B3GALT1: variants seen among roughly 807,000 people sequenced by gnomAD.
B3GALT1 encodes beta-1,3-galactosyltransferase 1.
B3GALT1 carries 10 observed loss-of-function variants against 23.2 expected under a neutral mutation model. The ratio of observed to expected loss-of-function variants is 0.43; its 90% CI spans 0.27 to 0.73. The LOEUF (loss-of-function observed/expected upper bound fraction) is 0.73. B3GALT1 is among the 30% of genes least tolerant of loss of function. The pLI is 0.21. For missense variants in B3GALT1, 299 were observed against 405.4 expected (o/e 0.74, Z 2.25); for synonymous variants, 156 against 141.5 (o/e 1.10, Z -0.73).
chr2:167,670,685 G>T (rs968602566), intron 3 of B3GALT1, among the ~76,000 whole-genome samples: 4 of 152,228 alleles, frequency 2.6e-5, no homozygotes, highest in East Asian at 1.9e-4. Flanking sequence ...CAAATAAAAT[G>T]ATGTCTAACA....
intron 4 of B3GALT1, among the ~76,000 whole-genome samples, chr2:167,848,349 T>C (rs1224995285): frequency 6.6e-6 from 1 of 152,096 alleles, no homozygotes; most frequent in Non-Finnish European, 1.5e-5. Flanking sequence ...CTTAACAAAA[T>C]ACTAGCTAAC....
chr2:167,326,090 T>G (rs1696888355), intron 1 of B3GALT1, among the ~76,000 whole-genome samples: 1 of 151,732 alleles, frequency 6.6e-6, no homozygotes, highest in East Asian at 1.9e-4. Flanking sequence ...AATATCTGTT[T>G]TTTTTTTTCT....
intron 4 of B3GALT1, among the ~76,000 whole-genome samples, chr2:167,866,996 A>C (rs188737721): frequency 2.0e-5 from 3 of 151,370 alleles, no homozygotes; most frequent in Admixed American, 1.3e-4. Flanking sequence ...GCGCAATCTC[A>C]GCTCACTGCA....
intron 3 of B3GALT1, among the ~76,000 whole-genome samples, chr2:167,663,177 T>C (rs963762439): frequency 5.5e-5 from 8 of 146,096 alleles, no homozygotes; most frequent in African/African-American, 2.0e-4. Flanking sequence ...TTCTCATTGT[T>C]CAATTCCCAC....
At chr2:167,639,281 G>A (rs539390986) in intron 2 of B3GALT1, among the ~76,000 whole-genome samples, 2 of 152,098 alleles carry the variant, frequency 1.3e-5, no homozygotes, top group Admixed American at 6.6e-5. Flanking sequence ...GAAATGTCAT[G>A]TTGCAAATTT....
intron 2 of B3GALT1, among the ~76,000 whole-genome samples, chr2:167,563,802 G>A (rs1212039552): frequency 5.6e-5 from 7 of 125,436 alleles, no homozygotes; most frequent in South Asian, 3.0e-4. Flanking sequence ...CCTCCCCCCC[G>A]GAGGGAGCGG....
intron 2 of B3GALT1, among the ~76,000 whole-genome samples, chr2:167,572,056 C>T (rs1684302749): frequency 6.6e-6 from 1 of 151,562 alleles, no homozygotes; most frequent in African/African-American, 2.4e-5. Context: ...AGTATGGCGT[C>T]TAAGTCTTGG....
At chr2:167,564,812 C>T (rs571290908) in intron 2 of B3GALT1, among the ~76,000 whole-genome samples, 12 of 152,192 alleles carry the variant, frequency 7.9e-5, no homozygotes, top group Non-Finnish European at 1.6e-4. Flanking sequence ...ATGTGAAGGA[C>T]CTCTTGAAGG....
intron 2 of B3GALT1, among the ~76,000 whole-genome samples, chr2:167,546,458 A>G (rs1407762237): frequency 6.6e-6 from 1 of 152,130 alleles, no homozygotes; most frequent in African/African-American, 2.4e-5. Context: ...CCCCCATCAT[A>G]TATCACATTG....
chr2:167,606,965 A>G (rs553731703), intron 2 of B3GALT1, among the ~76,000 whole-genome samples: 1 of 152,304 alleles, frequency 6.6e-6, no homozygotes, highest in South Asian at 2.1e-4. Context: ...GACGGATTCT[A>G]CATGAAGGCA....
intron 4 of B3GALT1, among the ~76,000 whole-genome samples, chr2:167,862,525 C>T (rs1188157588): frequency 1.3e-5 from 2 of 152,150 alleles, no homozygotes; most frequent in African/African-American, 4.8e-5. Context: ...TAATCTTTGC[C>T]AGAAACACCC....
At chr2:167,597,864 G>A (rs762154498) in intron 2 of B3GALT1, among the ~76,000 whole-genome samples, 1 of 152,138 alleles carries the variant, frequency 6.6e-6, no homozygotes, top group Non-Finnish European at 1.5e-5. Flanking sequence ...AAAATAGTTA[G>A]CAACTTAAAT....
At chr2:167,507,873 G>C (rs541735902) in intron 2 of B3GALT1, among the ~76,000 whole-genome samples, 17 of 152,348 alleles carry the variant, frequency 1.1e-4, no homozygotes, top group African/African-American at 3.8e-4. Flanking sequence ...TCAGGCTGCT[G>C]TAATGAGGTG....
chr2:167,466,544 T>G (rs1469976556), intron 1 of B3GALT1, among the ~76,000 whole-genome samples: 1 of 131,812 alleles, frequency 7.6e-6, no homozygotes, highest in African/African-American at 2.9e-5. Context: ...TGCTTGAACC[T>G]GGGAGGAGGA....
chr2:167,870,294 G>T lies in B3GALT1; in HGVS notation c.*274G>T. 1 of 301,008 alleles carries T rather than the reference G, an allele frequency of 3.3e-6. No individual in the cohort carries two copies. 18.6% of individuals were successfully genotyped at this position (301,008 alleles called of 1,614,324 possible). A position where few individuals can be genotyped will look rare whatever the true frequency, so the allele number is the denominator to read the frequency against. On this transcript the variant is annotated 3_prime_UTR_variant, in exon 5 of 5. Coordinates refer to ENST00000392690, the MANE Select transcript of B3GALT1 (RefSeq NM_020981.4). The stretch of plus-strand genomic sequence containing the variant: ...TGACTTCCAAACAACTCTTAGGATT[G>T]ACGTACCGTGCATCTGAGATAAAAA...
chr2:167,568,026 C>T (rs1028552199), intron 2 of B3GALT1, among the ~76,000 whole-genome samples: 3 of 152,022 alleles, frequency 2.0e-5, no homozygotes, highest in African/African-American at 4.8e-5. Flanking sequence ...TAGTAATATG[C>T]GTTTAAGTTT....
At chr2:167,704,184 A>AAC (rs1489628326) in intron 3 of B3GALT1, among the ~76,000 whole-genome samples, 1 of 3,364 alleles carries the variant, frequency 3.0e-4, no homozygotes, top group Non-Finnish European at 2.4e-3. Flanking sequence ...CAGTCTCAAC[A>AAC]AAAAAAAAAA....
At chr2:167,684,766 TAAAG>T (rs201628236) in intron 3 of B3GALT1, among the ~76,000 whole-genome samples, 2 of 152,338 alleles carry the variant, frequency 1.3e-5, no homozygotes, top group Admixed American at 1.3e-4. Context: ...ACTTGAATAT[TAAAG>T]AAAGAAAAGG....
At position 167,657,047 on chromosome 2, in the gene B3GALT1, A is replaced by G. The variant is rs539124311; in HGVS notation, c.-352+10081A>G. Among the ~76,000 whole-genome samples, 15 of 152,228 alleles carry G rather than the reference A, an allele frequency of 9.9e-5. No individual in the cohort carries two copies. The South Asian group carries it at 3.1e-3, about 32-fold the overall frequency. On this transcript the variant is annotated intron_variant, in intron 3 of 4. Coordinates refer to ENST00000392690, the MANE Select transcript of B3GALT1 (RefSeq NM_020981.4). Reference sequence around the variant, plus strand: ...TAAAGGGCAATGATAGGGGAAAAAAATGGTTTTTCAACTGGTCAAGAGTGG... The same window carrying G: ...TAAAGGGCAATGATAGGGGAAAAAAGTGGTTTTTCAACTGGTCAAGAGTGG...
Sources: allele counts gnomAD v4.1 joint callset (sites outside exome capture counted in the v4.1 genomes callset), GRCh38; gene constraint gnomAD v4.1.1; transcripts MANE v1.5; gene names NCBI Gene and HGNC (gene_info 2026-07-23, HGNC 2026-07-21).